Variants in TRPM3 observed in about 807,000 individuals in gnomAD.
The protein encoded by TRPM3 is transient receptor potential cation channel subfamily M member 3.
In TRPM3, 77 loss-of-function variants were observed where a neutral mutation model predicts 181.2. That is an observed-to-expected ratio of 0.42 (90% CI 0.35 to 0.51). TRPM3 has a LOEUF of 0.51. TRPM3 is among the 20% of genes least tolerant of loss of function. The pLI, the probability that TRPM3 is intolerant of heterozygous loss-of-function variation, is 0.01. For missense variants in TRPM3, 1,759 were observed against 2,196.7 expected, an observed-to-expected ratio of 0.80 and a Z score of 3.98; for synonymous variants, 745 against 796.4, an observed-to-expected ratio of 0.94 and a Z score of 1.09.
intron 6 of TRPM3, among the ~76,000 whole-genome samples, chr9:70,818,004 A>G (rs1406775175): frequency 1.3e-5 from 2 of 152,122 alleles, no homozygotes; most frequent in Admixed American, 1.3e-4. Flanking sequence ...CAAGTCACTT[A>G]AACTTTTTTG....
chr9:71,210,685 T>C (rs1504394), intron 1 of TRPM3, among the ~76,000 whole-genome samples: 3 of 152,000 alleles, frequency 2.0e-5, no homozygotes, highest in African/African-American at 7.2e-5. Flanking sequence ...CTCTACACAG[T>C]TGGCACGTGG....
At chr9:71,276,695 T>C (rs1195338983) in intron 1 of TRPM3, among the ~76,000 whole-genome samples, 1 of 152,180 alleles carries the variant, frequency 6.6e-6, no homozygotes, top group Non-Finnish European at 1.5e-5. Context: ...AGGGTGTTCA[T>C]CCATTAAAAG....
intron 1 of TRPM3, among the ~76,000 whole-genome samples, chr9:71,262,345 T>G (rs1357897131): frequency 6.6e-6 from 1 of 152,140 alleles, no homozygotes; most frequent in Non-Finnish European, 1.5e-5. Context: ...CAAGCCTCAG[T>G]AATGGCGGAC....
rs1291211238 is a variant in TRPM3, at chr9:70,536,395, G to T, written c.4718C>A (p.Ala1573Glu). Reference protein sequence around the residue: ...IDTRCVNAPQAIADRAAFPGG... With the variant: ...IDTRCVNAPQEIADRAAFPGG... ...AGGGAAGGCAGCTCTGTCCGCAATT[G>T]CTTGAGGGGCATTGACACACCTTGT... Residue 1573 changes from alanine (A) to glutamate (E), a missense_variant, in exon 26 of 26, where the codon GCA becomes GAA. Coordinates refer to ENST00000677713, the MANE Select transcript of TRPM3 (RefSeq NM_001366145.2). 3 of 1,614,098 alleles carry T rather than the reference G, an allele frequency of 1.9e-6. No homozygotes were observed. In the South Asian group the frequency reaches 3.3e-5, roughly 18 times the overall value.
chr9:71,252,035 T>G (rs571799568), intron 1 of TRPM3, among the ~76,000 whole-genome samples: 2 of 152,330 alleles, frequency 1.3e-5, no homozygotes, highest in Admixed American at 1.3e-4. Flanking sequence ...TGATAAGATC[T>G]CATTCTTTTT....
At chr9:70,847,163 C>T (rs10868908) in intron 3 of TRPM3, among the ~76,000 whole-genome samples, 32,952 of 151,946 alleles carry the variant, frequency 0.22, 4,415 homozygotes, top group Non-Finnish European at 0.29. Context: ...GACAACTATT[C>T]TTGAAGAATA....
chr9:71,342,535 A>C (rs188947238), intron 1 of TRPM3, among the ~76,000 whole-genome samples: 1 of 152,024 alleles, frequency 6.6e-6, no homozygotes, highest in African/African-American at 2.4e-5. Context: ...TGTATTATTA[A>C]GTGAAAAATG....
chr9:71,068,156 T>C (rs780142127), intron 1 of TRPM3, among the ~76,000 whole-genome samples: 1 of 152,340 alleles, frequency 6.6e-6, no homozygotes, highest in Non-Finnish European at 1.5e-5. Context: ...AGGGGAAAGA[T>C]AAGTTCAGGA....
At chr9:71,269,512 A>G (rs948222284) in intron 1 of TRPM3, among the ~76,000 whole-genome samples, 1 of 152,222 alleles carries the variant, frequency 6.6e-6, no homozygotes, top group African/African-American at 2.4e-5. Flanking sequence ...TTTTCTCTGG[A>G]GGTCAAAACT....
At chr9:70,559,435 T>G (rs1588396195) in intron 22 of TRPM3, among the ~76,000 whole-genome samples, 2 of 152,182 alleles carry the variant, frequency 1.3e-5, no homozygotes, top group Non-Finnish European at 2.9e-5. Flanking sequence ...TGGTTTTTGG[T>G]TTTTGGTAAT....
intron 1 of TRPM3, among the ~76,000 whole-genome samples, chr9:71,004,970 G>A (rs1357501829): frequency 6.6e-6 from 1 of 152,142 alleles, no homozygotes; most frequent in African/African-American, 2.4e-5. Flanking sequence ...GAAGGCTTAT[G>A]ACAATTATAG....
intron 1 of TRPM3, among the ~76,000 whole-genome samples, chr9:70,917,832 C>T (rs935984340): frequency 6.6e-6 from 1 of 151,692 alleles, no homozygotes; most frequent in Admixed American, 6.6e-5. Context: ...CTAAAGTCTC[C>T]AATCAAAAGA....
At chr9:71,004,410 G>GT (rs1220918986) in intron 1 of TRPM3, among the ~76,000 whole-genome samples, 1 of 152,236 alleles carries the variant, frequency 6.6e-6, no homozygotes, top group Non-Finnish European at 1.5e-5. Context: ...AATGCTCACT[G>GT]TAAGTCTTCC....
At chr9:71,364,512 T>C (rs889528031) in intron 1 of TRPM3, among the ~76,000 whole-genome samples, 2 of 152,222 alleles carry the variant, frequency 1.3e-5, no homozygotes, top group African/African-American at 4.8e-5. Flanking sequence ...GGTCAGCTAA[T>C]TTGTTTGCTT....
intron 16 of TRPM3, among the ~76,000 whole-genome samples, 177 bp from the exon 17 acceptor site, chr9:70,619,272 C>T (rs188011316): frequency 4.6e-5 from 7 of 152,106 alleles, no homozygotes; most frequent in African/African-American, 1.2e-4. Context: ...TACTATGTGC[C>T]GGATACCATG....
chr9:71,426,821 C>G (rs1300016442), intron 1 of TRPM3, among the ~76,000 whole-genome samples: 1 of 150,752 alleles, frequency 6.6e-6, no homozygotes, highest in Non-Finnish European at 1.5e-5. Context: ...GGCGTTAAGA[C>G]CAAAAAAAAA....
At chr9:70,867,308 TTTCAAGGACACC>T (rs1426360211) in intron 1 of TRPM3, among the ~76,000 whole-genome samples, 1 of 152,052 alleles carries the variant, frequency 6.6e-6, no homozygotes, top group African/African-American at 2.4e-5. Flanking sequence ...GGATGAGACT[TTTCAAGGACACC>T]TTCCTTATTT....
intron 8 of TRPM3, among the ~76,000 whole-genome samples, chr9:70,743,728 G>C (rs1330866478): frequency 6.6e-5 from 10 of 152,192 alleles, no homozygotes; most frequent in African/African-American, 2.4e-4. Flanking sequence ...GAGTAGGTGT[G>C]AGATGTACTC....
chr9:70,803,809 C>G (rs1267242610), intron 6 of TRPM3, among the ~76,000 whole-genome samples: 1 of 151,998 alleles, frequency 6.6e-6, no homozygotes, highest in East Asian at 1.9e-4. Context: ...TCTGCCTTGC[C>G]TCTGTTTACC....
Sources: allele counts gnomAD v4.1 joint callset (sites outside exome capture counted in the v4.1 genomes callset), GRCh38; gene constraint gnomAD v4.1.1; transcripts MANE v1.5; gene names NCBI Gene and HGNC (gene_info 2026-07-23, HGNC 2026-07-21).